The following TACC2 variants were observed in gnomAD, a reference collection of about 807,000 sequenced individuals.
The protein encoded by TACC2 is transforming acidic coiled-coil containing protein 2.
TACC2 carries 137 observed loss-of-function variants against 227.3 expected under a neutral mutation model. The ratio of observed to expected loss-of-function variants is 0.60; its 90% CI spans 0.52 to 0.69. The LOEUF is 0.69. TACC2 is among the 30% of genes least tolerant of loss of function. The pLI is 0.00. For synonymous variants in TACC2, 1,523 were observed against 1,487.5 expected (o/e 1.02, Z -0.55); for missense variants, 3,470 against 3,694.4 (o/e 0.94, Z 1.57).
At chr10:122,060,862 G>C (rs1001397197) in intron 3 of TACC2, among the ~76,000 whole-genome samples, 1 of 151,880 alleles carries the variant, frequency 6.6e-6, no homozygotes, top group South Asian at 2.1e-4. Flanking sequence ...GAAATTAGCC[G>C]GGCGTGGTGG....
intron 7 of TACC2, among the ~76,000 whole-genome samples, chr10:122,170,654 C>T (rs574669760): frequency 3.3e-5 from 5 of 152,314 alleles, no homozygotes; most frequent in East Asian, 3.9e-4. Context: ...CTTTCTAGAA[C>T]GGTCCATGTC....
At chr10:122,075,788 A>G (rs1045962062) in intron 3 of TACC2, among the ~76,000 whole-genome samples, 1 of 152,140 alleles carries the variant, frequency 6.6e-6, no homozygotes, top group African/African-American at 2.4e-5. Context: ...TTTATAAAGA[A>G]AAATAATTGA....
At chr10:122,193,001 C>T (rs1030632346) in intron 7 of TACC2, among the ~76,000 whole-genome samples, 6 of 152,302 alleles carry the variant, frequency 3.9e-5, no homozygotes, top group Admixed American at 2.6e-4. Flanking sequence ...TCAGGTACCT[C>T]GATCTGTTGT....
intron 1 of TACC2, among the ~76,000 whole-genome samples, chr10:122,021,058 C>T (rs929875331): frequency 1.3e-5 from 2 of 152,090 alleles, no homozygotes; most frequent in African/African-American, 2.4e-5. Flanking sequence ...GGTGAAACCC[C>T]GTCTCTACTA....
chr10:122,169,634 C>T (rs1443594211), intron 7 of TACC2, among the ~76,000 whole-genome samples: 2 of 152,194 alleles, frequency 1.3e-5, no homozygotes, highest in African/African-American at 4.8e-5. Flanking sequence ...CCCCTTTGGC[C>T]TGGGCAATCT....
At position 122,216,774 on chromosome 10, in the gene TACC2, C is replaced by T; in HGVS notation, c.7492C>T (p.Pro2498Ser). The T allele has an allele frequency of 6.2e-7, 1 of 1,614,108 alleles. No individual in the cohort carries two copies. The highest frequency in any genetic ancestry group is 8.5e-7 in the Non-Finnish European group (1 of 1,180,020). Residue 2498 changes from proline (P) to serine (S), a missense_variant, in exon 11 of 23, where the codon CCC becomes TCC. By Grantham distance (74) the Pro-to-Ser change is moderately conservative. Coordinates refer to ENST00000369005, the MANE Select transcript of TACC2 (RefSeq NM_206862.4). ...GGCTGACAAACAGGACTACCCGCAG[C>T]CCTCGGACCTGTCCACCTTTGTAAA... Reference protein sequence around the residue: ...LEADKQDYPQPSDLSTFVNET... With the variant: ...LEADKQDYPQSSDLSTFVNET...
intron 2 of TACC2, among the ~76,000 whole-genome samples, chr10:122,034,794 G>A (rs1959708586): frequency 6.6e-6 from 1 of 152,058 alleles, no homozygotes; most frequent in Admixed American, 6.6e-5. Context: ...GCCGGGCGTG[G>A]TGGTGCACGC....
chr10:122,024,589 C>G (rs1273772583), intron 2 of TACC2, among the ~76,000 whole-genome samples: 1 of 152,198 alleles, frequency 6.6e-6, no homozygotes, highest in Non-Finnish European at 1.5e-5. Flanking sequence ...ACCACTATTC[C>G]TATTCCCTAT....
At chr10:121,993,238 G>A (rs892935104) in intron 1 of TACC2, among the ~76,000 whole-genome samples, 1 of 152,146 alleles carries the variant, frequency 6.6e-6, no homozygotes, top group Admixed American at 6.6e-5. Context: ...GTCTTCTTAA[G>A]GAAGACAACT....
In TACC2 at chr10:122,084,270, C is replaced by T. The variant is rs1434869581; in HGVS notation, c.1770C>T (p.Asp590=). The T allele has an allele frequency of 4.3e-6, 7 of 1,613,862 alleles. No homozygotes were observed. In the East Asian group the frequency reaches 1.1e-4, roughly 26 times the overall value. The change falls in exon 4 of 23, where the codon GAC becomes GAT. Residue 590 remains aspartate, a synonymous_variant. Coordinates refer to ENST00000369005, the MANE Select transcript of TACC2 (RefSeq NM_206862.4). ...EEAPEPPDGG[D]PGNLQGEDSQ... is the part of the protein sequence containing the mutation. ...CCCCAGAGCCACCTGATGGTGGAGA[C>T]CCAGGGAACCTGCAAGGAGAGGACT...
At chr10:122,119,843 C>T (rs767206538) in intron 5 of TACC2, among the ~76,000 whole-genome samples, 4 of 151,912 alleles carry the variant, frequency 2.6e-5, no homozygotes, top group Admixed American at 2.6e-4. Flanking sequence ...TGCTTAAACC[C>T]GGGAGGCAGA....
chr10:122,061,800 T>C (rs1025957778), intron 3 of TACC2, among the ~76,000 whole-genome samples: 2 of 152,006 alleles, frequency 1.3e-5, no homozygotes, highest in African/African-American at 4.8e-5. Flanking sequence ...AGGTGGGGTC[T>C]CTGGGAGCAC....
intron 5 of TACC2, among the ~76,000 whole-genome samples, chr10:122,124,576 TC>T (rs368966618): frequency 2.0e-5 from 3 of 152,238 alleles, no homozygotes; most frequent in African/African-American, 7.2e-5. Context: ...CAGCTAGGTG[TC>T]CCCCCAGCTG....
chr10:122,168,596 A>T (rs1311789607), intron 7 of TACC2, among the ~76,000 whole-genome samples: 1 of 152,094 alleles, frequency 6.6e-6, no homozygotes, highest in African/African-American at 2.4e-5. Context: ...CCAGGTAGCT[A>T]CCAATCATCC....
chr10:122,005,551 A>G (rs1316882380), intron 1 of TACC2, among the ~76,000 whole-genome samples: 1 of 144,562 alleles, frequency 6.9e-6, no homozygotes, highest in Non-Finnish European at 1.5e-5. Flanking sequence ...CGCCCGGCTG[A>G]TTTTTTGTAT....
intron 16 of TACC2, among the ~76,000 whole-genome samples, chr10:122,235,018 T>TA (rs1255091861): frequency 6.6e-6 from 1 of 151,964 alleles, no homozygotes. Flanking sequence ...TATTGCTCAT[T>TA]AAAAAAAACA....
In TACC2 at chr10:122,150,710, C is replaced by T. The variant is rs1163886456; in HGVS notation, c.5834+7004C>T. Among the ~76,000 whole-genome samples, 2 of 152,172 alleles carry T rather than the reference C, an allele frequency of 1.3e-5. No homozygotes were observed. The highest frequency in any genetic ancestry group is 4.8e-5 in the African/African-American group (2 of 41,436). ...CTCAGGACCCCACCATGCCCGAGTG[C>T]CTCGCCGTGTTGATGAGCCAGTTTC... On this transcript the variant is annotated intron_variant, in intron 7 of 22. Coordinates refer to ENST00000369005, the MANE Select transcript of TACC2 (RefSeq NM_206862.4). The surrounding 1 kb of genome is among the most constrained non-coding windows in gnomAD (Gnocchi z 4.0).
intron 2 of TACC2, among the ~76,000 whole-genome samples, chr10:122,024,293 G>T (rs1957720530): frequency 6.6e-6 from 1 of 152,160 alleles, no homozygotes. Flanking sequence ...TTAAGCCTGG[G>T]AGGTCAAGGC....
chr10:121,998,351 G>A (rs1013225855), intron 1 of TACC2, among the ~76,000 whole-genome samples: 10 of 151,208 alleles, frequency 6.6e-5, no homozygotes, highest in Admixed American at 2.0e-4. Context: ...CCTTTTTGGG[G>A]GCCTGTACTC....
Sources: gnomAD v4.1 joint callset for allele counts (sites outside exome capture counted in the v4.1 genomes callset) on GRCh38, gnomAD v4.1.1 for gene constraint, Gnocchi (gnomAD v3.1) non-coding constraint, MANE v1.5 for transcripts, NCBI Gene and HGNC (gene_info 2026-07-23, HGNC 2026-07-21) for gene names.